Variants in FTCDNL1 observed in about 807,000 individuals in gnomAD.
FTCDNL1 encodes formiminotransferase N-terminal subdomain-containing protein.
A neutral mutation model predicts 5.9 loss-of-function variants in FTCDNL1; 11 were observed. The observed-to-expected ratio is 1.87, with a 90% CI of 1.18 to 3.10. The LOEUF (loss-of-function observed/expected upper bound fraction) is 3.10. Among genes scored for constraint, FTCDNL1 ranks in the 30% most tolerant of loss-of-function variants. The probability of loss-of-function intolerance (pLI) is 0.00; values close to 1 mark genes in which losing one functional copy is unlikely to be tolerated. For synonymous variants in FTCDNL1, 58 were observed against 24.8 expected, an observed-to-expected ratio of 2.34 and a Z score of -3.99; for missense variants, 115 against 65.5, an observed-to-expected ratio of 1.76 and a Z score of -2.61.
the FTCDNL1 span, among the ~76,000 whole-genome samples, chr2:199,711,015 G>A: frequency 3.2e-3 from 481 of 152,058 alleles, 6 homozygotes; most frequent in African/African-American, 0.011. Flanking sequence ...AGTTGCTCAT[G>A]ACTTTGAAAG....
the FTCDNL1 span, among the ~76,000 whole-genome samples, chr2:199,754,755 C>T: frequency 9.9e-5 from 15 of 152,116 alleles, no homozygotes; most frequent in Non-Finnish European, 2.1e-4. Flanking sequence ...CTCATGACTG[C>T]GCCTTGCAGT....
At chr2:199,782,156 T>C (rs945826771) in intron 3 of FTCDNL1, among the ~76,000 whole-genome samples, 1 of 152,198 alleles carries the variant, frequency 6.6e-6, no homozygotes, top group African/African-American at 2.4e-5. Context: ...GGGCCACTAT[T>C]TGTGAATTTG....
the FTCDNL1 span, among the ~76,000 whole-genome samples, chr2:199,685,413 T>C: frequency 6.6e-6 from 1 of 152,152 alleles, no homozygotes; most frequent in Non-Finnish European, 1.5e-5. Flanking sequence ...GACCCTCCTC[T>C]CTACACGCAT....
downstream of FTCDNL1, chr2:199,760,506 A>G (rs1698221297): frequency 3.0e-6 from 1 of 338,912 alleles, no homozygotes; most frequent in Admixed American, 4.1e-5. Flanking sequence ...TGTATATAAG[A>G]GGGTGAGTCA....
downstream of FTCDNL1, among the ~76,000 whole-genome samples, chr2:199,759,160 T>C (rs1574428989): frequency 6.6e-6 from 1 of 151,778 alleles, no homozygotes; most frequent in East Asian, 1.9e-4. Context: ...TATATACACA[T>C]ATGTATGTGT....
rs779398661 is a variant in FTCDNL1, at chr2:199,828,200, C to A, written c.212-8443G>T. Among the ~76,000 whole-genome samples the A allele has an allele frequency of 3.9e-5, 6 of 152,232 alleles. No individual in the cohort carries two copies. The East Asian group carries it at 7.7e-4, about 20-fold the overall frequency. Reference sequence around the variant, plus strand: ...TATTTAGTCAGAGAATTACTTACTACCAAGCTATTTTATTTGTGATATGAA... The same window carrying A: ...TATTTAGTCAGAGAATTACTTACTAACAAGCTATTTTATTTGTGATATGAA... On this transcript the variant is annotated intron_variant, in intron 3 of 4. Coordinates refer to ENST00000420128, the MANE Select transcript of FTCDNL1 (RefSeq NM_001363886.2).
downstream of FTCDNL1, among the ~76,000 whole-genome samples, chr2:199,760,358 G>A (rs1044757506): frequency 2.6e-5 from 4 of 152,158 alleles, no homozygotes; most frequent in African/African-American, 9.7e-5. Flanking sequence ...ACTGGAAAGA[G>A]GTTCAGAGCT....
At chr2:199,824,869 G>A (rs1368538064) in intron 3 of FTCDNL1, among the ~76,000 whole-genome samples, 1 of 152,176 alleles carries the variant, frequency 6.6e-6, no homozygotes, top group Non-Finnish European at 1.5e-5. Flanking sequence ...TGGGCATGAT[G>A]GCTCATGCCT....
At position 199,846,959 on chromosome 2, in the gene FTCDNL1, C is replaced by T. The variant is rs183649844; in HGVS notation, c.116-789G>A. 1.0e-3 allele frequency among the ~76,000 whole-genome samples: 157 copies of T among 152,290 alleles called. 1 individual carries two copies. The highest frequency in any genetic ancestry group is 6.8e-3 in the Middle Eastern group (2 of 294). ...TTGGTTATGCTATTATACCTTGTCT[C>T]CTTGTCCCCTGGCAGCTTAACAATT... On this transcript the variant is annotated intron_variant, in intron 2 of 4. Transcript: ENST00000420128.
At chr2:199,742,741 T>C in the FTCDNL1 span, among the ~76,000 whole-genome samples, 1 of 151,858 alleles carries the variant, frequency 6.6e-6, no homozygotes, top group African/African-American at 2.4e-5. Context: ...GGAAGCAGAG[T>C]TGGGATTTGT....
the FTCDNL1 span, among the ~76,000 whole-genome samples, chr2:199,691,080 A>C: frequency 6.6e-6 from 1 of 152,244 alleles, no homozygotes; most frequent in Non-Finnish European, 1.5e-5. Context: ...TTTGAGGCCT[A>C]AATAAAAGTG....
chr2:199,771,246 T>C (rs149029383), intron 3 of FTCDNL1, among the ~76,000 whole-genome samples: 18 of 152,122 alleles, frequency 1.2e-4, no homozygotes, highest in African/African-American at 4.1e-4. Flanking sequence ...GCCAACGGAG[T>C]GCTACCTATG....
At chr2:199,824,255 G>A (rs769522526) in intron 3 of FTCDNL1, among the ~76,000 whole-genome samples, 2 of 152,186 alleles carry the variant, frequency 1.3e-5, no homozygotes, top group Non-Finnish European at 1.5e-5. Context: ...ACCAACCTCT[G>A]CTAGATTCCA....
downstream of FTCDNL1, among the ~76,000 whole-genome samples, chr2:199,756,300 T>C (rs945971727): frequency 6.6e-6 from 1 of 152,182 alleles, no homozygotes; most frequent in African/African-American, 2.4e-5. Flanking sequence ...AATTTATTTA[T>C]GAATCTTTTC....
chr2:199,746,249 A>C, the FTCDNL1 span, among the ~76,000 whole-genome samples: 19 of 152,198 alleles, frequency 1.2e-4, no homozygotes, highest in East Asian at 3.7e-3. Flanking sequence ...CTAGAAACTC[A>C]CCCTCTCCAA....
At chr2:199,839,628 C>A (rs563836217) in intron 3 of FTCDNL1, among the ~76,000 whole-genome samples, 1 of 152,046 alleles carries the variant, frequency 6.6e-6, no homozygotes, top group Admixed American at 6.6e-5. Context: ...CAGACCCATA[C>A]AAAAGCACTT....
intron 4 of FTCDNL1, among the ~76,000 whole-genome samples, chr2:199,813,446 A>C (rs754389790): frequency 2.6e-5 from 4 of 152,152 alleles, no homozygotes; most frequent in Non-Finnish European, 5.9e-5. Flanking sequence ...TCCATTCATT[A>C]TATTATACTC....
chr2:199,725,994 C>T, the FTCDNL1 span, among the ~76,000 whole-genome samples: 3 of 151,986 alleles, frequency 2.0e-5, no homozygotes, highest in South Asian at 2.1e-4. Flanking sequence ...CAACTTGGTT[C>T]CATTCTCCCA....
chr2:199,666,374 G>C, the FTCDNL1 span, among the ~76,000 whole-genome samples: 1 of 152,124 alleles, frequency 6.6e-6, no homozygotes, highest in African/African-American at 2.4e-5. Context: ...CTGAATTCTA[G>C]ACCCAACTGT....
Sources: allele counts gnomAD v4.1 joint callset (sites outside exome capture counted in the v4.1 genomes callset), GRCh38; gene constraint gnomAD v4.1.1; transcripts MANE v1.5; gene names NCBI Gene and HGNC (gene_info 2026-07-23, HGNC 2026-07-21).